Variants in CDK5RAP2 observed in about 807,000 individuals in gnomAD.
CDK5RAP2 encodes CDK5 regulatory subunit-associated protein 2.
A neutral mutation model predicts 232.9 loss-of-function variants in CDK5RAP2; 147 were observed. That is an observed-to-expected ratio of 0.63 (90% CI 0.55 to 0.72). The LOEUF is 0.72. CDK5RAP2 is among the 30% of genes least tolerant of loss of function. The pLI, the probability that CDK5RAP2 is intolerant of heterozygous loss-of-function variation, is 0.00. For synonymous variants in CDK5RAP2, 833 were observed against 833.7 expected (o/e 1.00, Z 0.01); for missense variants, 2,195 against 2,231.5 (o/e 0.98, Z 0.33).
In CDK5RAP2 at chr9:120,403,896, G is replaced by C; in HGVS notation, c.5041+140C>G. On this transcript the variant is annotated intron_variant, in intron 33 of 37. Transcript: ENST00000349780. The surrounding 1 kb of genome is among the most constrained non-coding windows in gnomAD (Gnocchi z 4.2). ...GCTTGAAGGAGAAGATCACCAGCTG[G>C]GGATGCTGAGAACTTGAAATCCCAA... 2 of 699,638 alleles carry C rather than the reference G, an allele frequency of 2.9e-6. No homozygotes were observed. Among genetic ancestry groups the C allele is most frequent in the South Asian group, 1.5e-5 (1 of 65,634 alleles). The allele number at this position is 699,638 out of a possible 1,614,324, so 43.3% of individuals were successfully genotyped here. A position where few individuals can be genotyped will look rare whatever the true frequency, so the allele number is the denominator to read the frequency against.
chr9:120,453,894 G>A (rs377422425), intron 20 of CDK5RAP2, 21 bp from the exon 21 acceptor site: 17 of 1,613,268 alleles, frequency 1.1e-5, no homozygotes, highest in Non-Finnish European at 1.2e-5. Flanking sequence ...AAAAGGGAAG[G>A]AAGTGGGAGA....
intron 12 of CDK5RAP2, among the ~76,000 whole-genome samples, chr9:120,515,113 G>A (rs1417566490): frequency 1.3e-5 from 2 of 151,672 alleles, no homozygotes; most frequent in Middle Eastern, 3.2e-3. Context: ...CCTCATCCTC[G>A]GCCATCCAAA....
In CDK5RAP2 at chr9:120,467,936, G is replaced by T. The variant is rs1335059944; in HGVS notation, c.2030C>A (p.Thr677Asn). Residue 677 changes from threonine (T) to asparagine (N), a missense_variant, in exon 18 of 38, where the codon ACC becomes AAC. Transcript: ENST00000349780. ...ACCCATGCAGGAGAGATCAAAAATG[G>T]TTTTCTTCAGGTGCTGGTTGTCTGT... ...LYTDNQHLKK[T>N]IFDLSCMGFQ... 2 of 1,613,992 alleles carry T rather than the reference G, an allele frequency of 1.2e-6. No individual in the cohort carries two copies. Among genetic ancestry groups the T allele is most frequent in the African/African-American group, 1.3e-5 (1 of 74,902 alleles).
Position 120,441,836 on chromosome 9 carries a change from C to A in CDK5RAP2, c.3148+1784G>T, listed in dbSNP as rs548246204. 3.6e-4 allele frequency among the ~76,000 whole-genome samples: 55 copies of A among 152,258 alleles called. No homozygotes were observed. In the South Asian group the frequency reaches 0.011, roughly 30 times the overall value. On this transcript the variant is annotated intron_variant, in intron 23 of 37. Transcript: ENST00000349780. ...TGTTATGATAATTACTCAATAAGAGCCTTGAGGGTGCAGACCGTGTCATCC... is the reference window on the plus strand; with the variant it reads ...TGTTATGATAATTACTCAATAAGAGACTTGAGGGTGCAGACCGTGTCATCC...
chr9:120,473,420 C>T (rs932123702), intron 15 of CDK5RAP2, among the ~76,000 whole-genome samples: 3 of 152,192 alleles, frequency 2.0e-5, no homozygotes, highest in African/African-American at 2.4e-5. Context: ...CAATAGCCCC[C>T]GAATGGTTAG....
intron 15 of CDK5RAP2, 139 bp downstream of exon 15, chr9:120,477,211 C>T (rs1254840768): frequency 1.4e-6 from 1 of 740,410 alleles, no homozygotes; most frequent in East Asian, 2.6e-5. Context: ...GCCACCCAAG[C>T]TTTATAAGCT....
At chr9:120,523,953 A>C (rs1002547460) in intron 11 of CDK5RAP2, among the ~76,000 whole-genome samples, 3 of 152,188 alleles carry the variant, frequency 2.0e-5, no homozygotes, top group African/African-American at 7.2e-5. Flanking sequence ...AGGTCTGGAA[A>C]AGAAACCTGG....
chr9:120,395,494 T>C (rs1260323782), intron 35 of CDK5RAP2, among the ~76,000 whole-genome samples: 1 of 152,208 alleles, frequency 6.6e-6, no homozygotes, highest in East Asian at 1.9e-4. Context: ...TGAGGTGACA[T>C]ACATGCACGG....
At chr9:120,548,951 G>A (rs999196003) in intron 4 of CDK5RAP2, among the ~76,000 whole-genome samples, 6 of 152,232 alleles carry the variant, frequency 3.9e-5, no homozygotes, top group Non-Finnish European at 5.9e-5. Flanking sequence ...GAGGCCAGGA[G>A]TTTGAGACCA....
In CDK5RAP2 at chr9:120,411,259, G is replaced by A. The variant is rs972734032; in HGVS notation, c.4414+99C>T. ...GTGTAAAGCCATCACAGAGCCACAG[G>A]ATTCATACTTAGGTTGGTCAGACTC... On this transcript the variant is annotated intron_variant, in intron 29 of 37. Transcript: ENST00000349780. 288 of 791,848 alleles carry A rather than the reference G, an allele frequency of 3.6e-4. 1 individual carries two copies. The highest frequency in any genetic ancestry group is 1.8e-3 in the Admixed American group (105 of 58,072). 49.1% of individuals were successfully genotyped at this position (791,848 alleles called of 1,614,324 possible). A position where few individuals can be genotyped will look rare whatever the true frequency, so the allele number is the denominator to read the frequency against.
At chr9:120,523,167 T>C (rs1038610914) in intron 11 of CDK5RAP2, among the ~76,000 whole-genome samples, 1 of 152,308 alleles carries the variant, frequency 6.6e-6, no homozygotes, top group South Asian at 2.1e-4. Context: ...ACACTGTACA[T>C]TGTAAGACCT....
In CDK5RAP2 at chr9:120,579,941, G is replaced by A. The variant is rs747914854; in HGVS notation, c.38C>T (p.Pro13Leu). ...DLVLEEDVTV[P>L]GTLSGCSGLV... ...GCACCTGCAGCCGCTGAGCGTCCCA[G>A]GGACGGTGACGTCCTCTTCCAACAC... The change falls in exon 1 of 38, where the codon CCT (proline) becomes CTT (leucine). Residue 13 changes from proline to leucine, a missense_variant. By Grantham distance (98) the Pro-to-Leu change is moderately conservative (BLOSUM62 -3). Transcript: ENST00000349780. 2.5e-6 allele frequency: 4 copies of A among 1,613,570 alleles called. No homozygotes were observed. The Admixed American group carries it at 5.0e-5, about 20-fold the overall frequency.
intron 12 of CDK5RAP2, among the ~76,000 whole-genome samples, chr9:120,506,268 G>A (rs995023442): frequency 5.3e-5 from 8 of 152,192 alleles, no homozygotes; most frequent in Admixed American, 4.6e-4. Flanking sequence ...TTTACGGCAT[G>A]GTTTACTGAA....
In CDK5RAP2 at chr9:120,477,441, G is replaced by A; in HGVS notation, c.1636C>T (p.Gln546Ter). The A allele has an allele frequency of 6.2e-7, 1 of 1,612,398 alleles. No individual in the cohort carries two copies. Among genetic ancestry groups the A allele is most frequent in the African/African-American group, 1.3e-5 (1 of 75,022 alleles). The change falls in exon 15 of 38, where the codon CAA becomes TAA. Residue 546 changes from glutamine to a stop codon, truncating the protein, a stop_gained. Coordinates refer to ENST00000349780, the MANE Select transcript of CDK5RAP2 (RefSeq NM_018249.6). LOFTEE classifies it high-confidence loss of function. ...ATCAGCTCTTCATAGTCTGATGATT[G>A]TTTCTTTTCCTGGAAATGACAATGG... Reference protein sequence around the residue: ...SKTIFSKEKKQSSDYEELIQV... With the variant: ...SKTIFSKEKK
In CDK5RAP2 at chr9:120,407,096, C is replaced by T. The variant is rs746002741; in HGVS notation, c.4879G>A (p.Ala1627Thr). The change falls in exon 32 of 38, where the codon GCA becomes ACA. Residue 1627 changes from alanine (A) to threonine (T), a missense_variant. By Grantham distance (58) the Ala-to-Thr change is moderately conservative. Coordinates refer to ENST00000349780, the MANE Select transcript of CDK5RAP2 (RefSeq NM_018249.6). ...AGGGCTCCTTCCTGTGCCTTCTCTG[C>T]CCCCCTTGCCAGCTGTTCCTTGAGC... is the stretch of plus-strand genomic sequence containing the variant. ...SRLKEQLARGAEKAQEGALTL... is the reference protein window; with the variant it reads ...SRLKEQLARGTEKAQEGALTL... The T allele has an allele frequency of 9.3e-6, 15 of 1,613,908 alleles. No individual in the cohort carries two copies. In the African/African-American group the frequency reaches 9.3e-5, roughly 10 times the overall value.
chr9:120,536,910 AT>A (rs2131968309), intron 6 of CDK5RAP2, among the ~76,000 whole-genome samples: 1 of 148,362 alleles, frequency 6.7e-6, no homozygotes, highest in South Asian at 2.3e-4. Flanking sequence ...CCACCGCCCT[AT>A]TTTTTTAAGA....
chr9:120,534,862 T>G (rs2131954047), intron 7 of CDK5RAP2, among the ~76,000 whole-genome samples: 1 of 152,288 alleles, frequency 6.6e-6, no homozygotes, highest in East Asian at 1.9e-4. Flanking sequence ...CCATAAGCCT[T>G]CTAAGGGCTT....
intron 21 of CDK5RAP2, among the ~76,000 whole-genome samples, chr9:120,450,518 C>T (rs767859744): frequency 3.9e-5 from 6 of 152,110 alleles, no homozygotes; most frequent in Middle Eastern, 3.4e-3. Flanking sequence ...TGAATTAAAT[C>T]TCAATAAGGC....
intron 18 of CDK5RAP2, among the ~76,000 whole-genome samples, chr9:120,462,642 A>G (rs1403247728): frequency 1.3e-5 from 2 of 152,244 alleles, no homozygotes; most frequent in South Asian, 2.1e-4. Flanking sequence ...TGAGTAAAAG[A>G]ATATATACAA....
Sources: gnomAD v4.1 joint callset for allele counts (sites outside exome capture counted in the v4.1 genomes callset) on GRCh38, gnomAD v4.1.1 for gene constraint, Gnocchi (gnomAD v3.1) non-coding constraint, MANE v1.5 for transcripts, NCBI Gene and HGNC (gene_info 2026-07-23, HGNC 2026-07-21) for gene names.